VPS13B: variants seen among roughly 807,000 people sequenced by gnomAD.
The protein encoded by VPS13B is vacuolar protein sorting 13 homolog B.
Under a neutral mutation model 426.4 loss-of-function variants are expected in VPS13B, and 285 were observed. The ratio of observed to expected loss-of-function variants is 0.67; its 90% CI spans 0.61 to 0.74. The LOEUF (loss-of-function observed/expected upper bound fraction) is 0.74. Ranked by LOEUF, VPS13B falls within the 30% of genes least tolerant of loss-of-function variation. The pLI, the probability that VPS13B is intolerant of heterozygous loss-of-function variation, is 0.00. For synonymous variants in VPS13B, 1,676 were observed against 1,676.4 expected, an observed-to-expected ratio of 1.00 and a Z score of 0.01; for missense variants, 4,537 against 4,782.6, an observed-to-expected ratio of 0.95 and a Z score of 1.51.
At chr8:99,817,931 A>G (rs1814140986) in intron 45 of VPS13B, 128 bp downstream of exon 45, 11 of 1,389,000 alleles carry the variant, frequency 7.9e-6, no homozygotes, top group Non-Finnish European at 1.1e-5. Flanking sequence ...AAAGGCTTTG[A>G]ATAGTACTTC....
At chr8:99,575,622 A>G (rs1398803104) in intron 31 of VPS13B, 36 bp from the exon 32 acceptor site, 1 of 1,613,024 alleles carries the variant, frequency 6.2e-7, no homozygotes. Context: ...TTTGAAAATA[A>G]TGAAATGGCT....
intron 41 of VPS13B, among the ~76,000 whole-genome samples, chr8:99,778,088 T>C (rs1667632): frequency 0.93 from 141,674 of 151,974 alleles, 66,180 homozygotes; most frequent in African/African-American, 0.98. Context: ...AAAAATTAGC[T>C]GGGCGTGGTG....
At chr8:99,139,785 G>A (rs1165214472) in intron 12 of VPS13B, among the ~76,000 whole-genome samples, 2 of 151,424 alleles carry the variant, frequency 1.3e-5, no homozygotes, top group Non-Finnish European at 2.9e-5. Context: ...CAAGAAATTT[G>A]TAGAATTTTA....
intron 36 of VPS13B, among the ~76,000 whole-genome samples, chr8:99,703,186 T>C (rs1410735421): frequency 6.6e-6 from 1 of 152,128 alleles, no homozygotes; most frequent in Non-Finnish European, 1.5e-5. Context: ...TTAAAGGAAT[T>C]CCTCTTATTA....
chr8:99,021,005 GTGT>G (rs1841856435), intron 2 of VPS13B, among the ~76,000 whole-genome samples: 1 of 152,124 alleles, frequency 6.6e-6, no homozygotes, highest in African/African-American at 2.4e-5. Context: ...TTTATTTCTG[GTGT>G]TGTCAGTTTT....
chr8:99,698,733 A>G (rs1027812922), intron 35 of VPS13B, among the ~76,000 whole-genome samples: 1 of 151,234 alleles, frequency 6.6e-6, no homozygotes, highest in Middle Eastern at 3.2e-3. Context: ...AAGATGTGTG[A>G]CATGCTCTGT....
intron 21 of VPS13B, among the ~76,000 whole-genome samples, chr8:99,403,605 A>G (rs928479036): frequency 6.6e-6 from 1 of 151,920 alleles, no homozygotes; most frequent in Non-Finnish European, 1.5e-5. Context: ...GTCTTAAATC[A>G]TGTGCCGACC....
In VPS13B at chr8:99,013,949, C is replaced by T. The variant is rs866007151; in HGVS notation, c.147+14C>T. The T allele has an allele frequency of 6.2e-7, 1 of 1,613,938 alleles. No homozygotes were observed. Among genetic ancestry groups the T allele is most frequent in the East Asian group, 2.2e-5 (1 of 44,896 alleles). ...GTGCTGGAACAGGTAAGCTATTTAG[C>T]TGTCATTAACTGGAAACAGTTTTCA... On this transcript the variant is annotated intron_variant, in intron 2 of 61. Transcript: ENST00000357162.
chr8:99,722,643 A>G (rs1031886480), intron 39 of VPS13B, among the ~76,000 whole-genome samples: 1 of 151,722 alleles, frequency 6.6e-6, no homozygotes, highest in South Asian at 2.1e-4. Context: ...AGTAGATGGG[A>G]CTACAGGTGT....
At position 99,633,806 on chromosome 8, in the gene VPS13B, G is replaced by GGTGTGTGTGTGTGTGTGTGT. The variant is rs139474452; in HGVS notation, c.5221-7991_5221-7972dup. On this transcript the variant is annotated intron_variant, in intron 33 of 61. Coordinates refer to ENST00000357162, the MANE Select transcript of VPS13B (RefSeq NM_152564.5). ...AGGTCCAAGTTGCCAGAATGTGTCA[G>GGTGTGTGTGTGTGTGTGTGT]GTGTGTGTGTGTGTGTGTGTGTGTG... Among the ~76,000 whole-genome samples the GGTGTGTGTGTGTGTGTGTGT allele has an allele frequency of 2.5e-3, 365 of 143,952 alleles. 6 individuals are homozygous for GGTGTGTGTGTGTGTGTGTGT. The highest frequency in any genetic ancestry group is 0.012 in the East Asian group (57 of 4,796). The allele number at this position is 143,952 out of a possible 152,430, so 94.4% of individuals were successfully genotyped here. A position where few individuals can be genotyped will look rare whatever the true frequency, so the allele number is the denominator to read the frequency against.
chr8:99,594,746 T>C (rs1194876222), intron 33 of VPS13B, among the ~76,000 whole-genome samples: 5 of 151,958 alleles, frequency 3.3e-5, no homozygotes, highest in Non-Finnish European at 5.9e-5. Flanking sequence ...TTGCTGAAAC[T>C]ACAGTTGATA....
At chr8:99,224,495 G>T (rs1815903144) in intron 17 of VPS13B, among the ~76,000 whole-genome samples, 1 of 152,022 alleles carries the variant, frequency 6.6e-6, no homozygotes, top group African/African-American at 2.4e-5. Flanking sequence ...AGAAAATTAG[G>T]ATTGAATAAT....
intron 14 of VPS13B, 45 bp downstream of exon 14, chr8:99,148,055 T>TG (rs1491494681): frequency 8.3e-6 from 1 of 120,348 alleles, no homozygotes; most frequent in African/African-American, 7.8e-5. Context: ...CATATATGGA[T>TG]TTTTTTTTTT....
At chr8:99,314,442 C>A (rs759074714) in intron 19 of VPS13B, among the ~76,000 whole-genome samples, 36 of 152,114 alleles carry the variant, frequency 2.4e-4, no homozygotes, top group Non-Finnish European at 4.9e-4. Context: ...TCCATTTAGT[C>A]TAAAGTACAG....
At chr8:99,842,349 A>G (rs1230504047) in intron 54 of VPS13B, among the ~76,000 whole-genome samples, 45 of 152,142 alleles carry the variant, frequency 3.0e-4, no homozygotes. Flanking sequence ...GCTTATGCCT[A>G]TAATCCCAAC....
chr8:99,411,236 T>G (rs1181415982), intron 21 of VPS13B, among the ~76,000 whole-genome samples: 1 of 152,206 alleles, frequency 6.6e-6, no homozygotes, highest in Non-Finnish European at 1.5e-5. Context: ...GTTTCCTGAC[T>G]TTTTAATAAT....
At chr8:99,420,273 T>G (rs1022182349) in intron 21 of VPS13B, among the ~76,000 whole-genome samples, 1 of 152,180 alleles carries the variant, frequency 6.6e-6, no homozygotes, top group African/African-American at 2.4e-5. Context: ...CCATTTGATA[T>G]CAAGTGTCAG....
chr8:99,397,206 C>A (rs748138816), intron 21 of VPS13B, among the ~76,000 whole-genome samples: 2 of 152,074 alleles, frequency 1.3e-5, no homozygotes, highest in Non-Finnish European at 2.9e-5. Flanking sequence ...AGTGCAGTGA[C>A]GTGATCTTGG....
At chr8:99,068,893 A>G (rs980034423) in intron 3 of VPS13B, among the ~76,000 whole-genome samples, 4 of 152,186 alleles carry the variant, frequency 2.6e-5, no homozygotes, top group Admixed American at 2.0e-4. Flanking sequence ...GCCAAACCAT[A>G]TTATTTTGAT....
Sources: allele counts gnomAD v4.1 joint callset (sites outside exome capture counted in the v4.1 genomes callset), GRCh38; gene constraint gnomAD v4.1.1; transcripts MANE v1.5; gene names NCBI Gene and HGNC (gene_info 2026-07-23, HGNC 2026-07-21).